The following MYT1L variants were observed in gnomAD, a reference collection of about 807,000 sequenced individuals.
The protein encoded by MYT1L is myelin transcription factor 1-like protein.
A neutral mutation model predicts 126.7 loss-of-function variants in MYT1L; 12 were observed. The observed-to-expected ratio is 0.09, with a 90% CI of 0.06 to 0.15. MYT1L has a LOEUF of 0.15. Ranked by LOEUF, MYT1L falls within the 10% of genes least tolerant of loss-of-function variation. MYT1L has a pLI of 1.00. For missense variants in MYT1L, 979 were observed against 1,585.2 expected (o/e 0.62, Z 6.49); for synonymous variants, 541 against 604.2 (o/e 0.90, Z 1.53).
chr2:1,944,827 T>C (rs1386294328), intron 8 of MYT1L, among the ~76,000 whole-genome samples: 1 of 152,116 alleles, frequency 6.6e-6, no homozygotes. Flanking sequence ...AGACACTCAA[T>C]AGGCATTTGC....
intron 4 of MYT1L, among the ~76,000 whole-genome samples, chr2:2,017,012 A>G (rs2064483020): frequency 6.6e-6 from 1 of 152,256 alleles, no homozygotes; most frequent in Non-Finnish European, 1.5e-5. Context: ...TTGAGTCCAA[A>G]GGCCTATCGA....
chr2:1,975,824 A>T (rs1225555104), intron 8 of MYT1L, among the ~76,000 whole-genome samples: 7 of 152,230 alleles, frequency 4.6e-5, no homozygotes, highest in Admixed American at 4.6e-4. Flanking sequence ...AGATTGTGCC[A>T]CTGCACTCCA....
chr2:1,886,334 G>T (rs1051208428), intron 18 of MYT1L: 5 of 418,280 alleles, frequency 1.2e-5, no homozygotes, highest in East Asian at 7.2e-5. Context: ...CAAGCTGGAG[G>T]TATGTCAGGG....
chr2:2,282,213 C>T (rs1559543607), intron 2 of MYT1L, among the ~76,000 whole-genome samples: 1 of 152,214 alleles, frequency 6.6e-6, no homozygotes, highest in Admixed American at 6.5e-5. Flanking sequence ...TTACATATCA[C>T]CACTGCCTCA....
At chr2:2,049,796 C>T (rs574283092) in intron 4 of MYT1L, among the ~76,000 whole-genome samples, 1 of 152,156 alleles carries the variant, frequency 6.6e-6, no homozygotes, top group Non-Finnish European at 1.5e-5. Flanking sequence ...CTCTTGCCTG[C>T]CGCCAGTTAA....
chr2:1,866,858 G>GGAGTAAA (rs2045630701), intron 18 of MYT1L, among the ~76,000 whole-genome samples: 1 of 137,688 alleles, frequency 7.3e-6, no homozygotes, highest in Admixed American at 7.2e-5. Context: ...AGAGAGGGAG[G>GGAGTAAA]GCAGAGAGAG....
intron 2 of MYT1L, among the ~76,000 whole-genome samples, chr2:2,280,755 A>G (rs1220468121): frequency 6.6e-6 from 1 of 152,168 alleles, no homozygotes; most frequent in African/African-American, 2.4e-5. Flanking sequence ...CTTCAACCAA[A>G]CAAACCATAA....
chr2:2,234,361 C>A (rs7605013), intron 2 of MYT1L, among the ~76,000 whole-genome samples: 5,304 of 152,284 alleles, frequency 0.035, 233 homozygotes, highest in East Asian at 0.15. Context: ...TGAAGACAGA[C>A]GCACACATTT....
intron 8 of MYT1L, among the ~76,000 whole-genome samples, chr2:1,953,116 C>T (rs1479312187): frequency 6.6e-6 from 1 of 151,930 alleles, no homozygotes; most frequent in Non-Finnish European, 1.5e-5. Context: ...GGATATACTA[C>T]CAAGCTCAGC....
At chr2:1,813,942 G>A (rs527347093) in intron 21 of MYT1L, among the ~76,000 whole-genome samples, 5 of 133,702 alleles carry the variant, frequency 3.7e-5, no homozygotes, top group Non-Finnish European at 3.2e-5. Flanking sequence ...CAGGAGAATG[G>A]CGCGAACCCG....
intron 5 of MYT1L, among the ~76,000 whole-genome samples, chr2:1,980,497 T>C (rs1302480310): frequency 6.6e-6 from 1 of 152,118 alleles, no homozygotes; most frequent in Non-Finnish European, 1.5e-5. Context: ...CACATTTATC[T>C]AAATTGCTTG....
intron 2 of MYT1L, among the ~76,000 whole-genome samples, chr2:2,191,303 G>C (rs1232725146): frequency 6.6e-6 from 1 of 152,222 alleles, no homozygotes; most frequent in Non-Finnish European, 1.5e-5. Context: ...CGCAGGAGAG[G>C]ATAACACTGG....
intron 2 of MYT1L, among the ~76,000 whole-genome samples, chr2:2,281,268 C>T (rs550223181): frequency 6.6e-6 from 1 of 152,328 alleles, no homozygotes; most frequent in South Asian, 2.1e-4. Flanking sequence ...TTCCTGAGAC[C>T]TCCCAAGCCA....
intron 18 of MYT1L, among the ~76,000 whole-genome samples, chr2:1,864,689 G>A (rs1182947236): frequency 6.6e-6 from 1 of 152,180 alleles, no homozygotes; most frequent in Non-Finnish European, 1.5e-5. Context: ...CTCCACACAT[G>A]AAGCTCCCCT....
chr2:2,183,274 G>A (rs1196789560), intron 2 of MYT1L, among the ~76,000 whole-genome samples: 1 of 152,122 alleles, frequency 6.6e-6, no homozygotes, highest in Admixed American at 6.5e-5. Context: ...AGAGAGGAAC[G>A]AACCTGGGGG....
At chr2:1,995,188 T>C (rs2061730350) in intron 5 of MYT1L, among the ~76,000 whole-genome samples, 1 of 151,860 alleles carries the variant, frequency 6.6e-6, no homozygotes, top group Non-Finnish European at 1.5e-5. Context: ...CTGCACGAAC[T>C]ATTCCACAGG....
chr2:2,327,787 G>A (rs1472150408), intron 1 of MYT1L, among the ~76,000 whole-genome samples: 2 of 152,104 alleles, frequency 1.3e-5, no homozygotes, highest in Non-Finnish European at 2.9e-5. Flanking sequence ...TTATCAAAGA[G>A]CATCTGACTA....
rs1013590522 is a variant in MYT1L at position 1,919,964 on chromosome 2, C to T, written c.1483+2322G>A. 4.4e-5 allele frequency among the ~76,000 whole-genome samples: 5 copies of T among 114,026 alleles called. 1 individual carries two copies. The highest frequency in any genetic ancestry group is 4.9e-4 in the South Asian group (2 of 4,086). The allele number at this position is 114,026 out of a possible 152,430, so 74.8% of individuals were successfully genotyped here. Reference sequence around the variant, plus strand: ...CGATCTCCTGACCTCGTGATCCACCCGCACTATTTTTTTAAGGGAGTTTCT... The same window carrying T: ...CGATCTCCTGACCTCGTGATCCACCTGCACTATTTTTTTAAGGGAGTTTCT... On this transcript the variant is annotated intron_variant, in intron 10 of 24. Transcript: ENST00000647738.
At chr2:2,217,703 C>CA (rs1235557482) in intron 2 of MYT1L, among the ~76,000 whole-genome samples, 36 of 74,032 alleles carry the variant, frequency 4.9e-4, no homozygotes, top group African/African-American at 1.6e-3. Context: ...ACAACAACAA[C>CA]AACAAAAAAA....
Sources: gnomAD v4.1 joint callset for allele counts (sites outside exome capture counted in the v4.1 genomes callset) on GRCh38, gnomAD v4.1.1 for gene constraint, MANE v1.5 for transcripts, NCBI Gene and HGNC (gene_info 2026-07-23, HGNC 2026-07-21) for gene names.